Variants in ARHGAP32 observed in about 807,000 individuals in gnomAD.
ARHGAP32 encodes Rho GTPase activating protein 32.
ARHGAP32 carries 51 observed loss-of-function variants against 186.5 expected under a neutral mutation model. The ratio of observed to expected loss-of-function variants is 0.27; its 90% CI spans 0.22 to 0.35. ARHGAP32 has a LOEUF of 0.35. ARHGAP32 is among the 10% of genes least tolerant of loss of function. The pLI is 1.00. For missense variants in ARHGAP32, 2,186 were observed against 2,623.5 expected, an observed-to-expected ratio of 0.83 and a Z score of 3.64; for synonymous variants, 950 against 964.3, an observed-to-expected ratio of 0.99 and a Z score of 0.27.
intron 1 of ARHGAP32, among the ~76,000 whole-genome samples, chr11:129,225,589 C>T (rs1302451983): frequency 1.3e-5 from 2 of 152,034 alleles, no homozygotes; most frequent in Non-Finnish European, 2.9e-5. Context: ...AGAAAAGTCA[C>T]CTAACAAATA....
Position 129,123,329 on chromosome 11 carries a change from T to TAAAA in ARHGAP32, c.444+113_444+116dup. On this transcript the variant is annotated intron_variant, in intron 5 of 22. Coordinates refer to ENST00000682385, the MANE Select transcript of ARHGAP32 (RefSeq NM_001378024.1). The surrounding 1 kb of genome is among the most constrained non-coding windows in gnomAD (Gnocchi z 4.6). The stretch of plus-strand genomic sequence containing the variant: ...TTACCTCAACCAATAAGACATCAAT[T>TAAAA]AAAAAAAAAACTACTTCAAAGTGTC... 1.4e-6 allele frequency: 1 copy of TAAAA among 734,650 alleles called. No homozygotes were observed. Among genetic ancestry groups the TAAAA allele is most frequent in the Non-Finnish European group, 2.1e-6 (1 of 468,880 alleles). 45.5% of individuals were successfully genotyped at this position (734,650 alleles called of 1,614,324 possible).
chr11:129,036,063 G>C (rs1289727783), intron 11 of ARHGAP32, among the ~76,000 whole-genome samples: 2 of 152,038 alleles, frequency 1.3e-5, no homozygotes, highest in East Asian at 3.9e-4. Context: ...ATCCCTACTT[G>C]AAGTGTCATT....
intron 6 of ARHGAP32, among the ~76,000 whole-genome samples, chr11:129,074,777 C>A (rs1940983914): frequency 6.6e-6 from 1 of 152,136 alleles, no homozygotes; most frequent in Non-Finnish European, 1.5e-5. Flanking sequence ...CAGGCATGAG[C>A]CACCACACCC....
chr11:129,236,493 G>A (rs1469486552), intron 1 of ARHGAP32, among the ~76,000 whole-genome samples: 1 of 152,158 alleles, frequency 6.6e-6, no homozygotes, highest in Non-Finnish European at 1.5e-5. Context: ...TGTACAGATT[G>A]TGAAGACAGT....
chr11:128,972,590 CA>C lies in ARHGAP32; in HGVS notation c.3915del (p.Phe1305LeufsTer40). ...DVAEQPTTAD[F>X]AAATLQRTHR... The stretch of plus-strand genomic sequence containing the variant: ...TGCGTGCGCTGAAGTGTGGCAGCAG[CA>C]AAATCAGCAGTGGTGGGTTGTTCAG... On this transcript the variant is annotated frameshift_variant, in exon 22 of 23. Coordinates refer to ENST00000682385, the MANE Select transcript of ARHGAP32 (RefSeq NM_001378024.1). LOFTEE classifies it high-confidence loss of function. 6.2e-7 allele frequency: 1 copy of C among 1,604,046 alleles called. No individual in the cohort carries two copies. Among genetic ancestry groups the C allele is most frequent in the Non-Finnish European group, 8.5e-7 (1 of 1,173,880 alleles).
intron 1 of ARHGAP32, among the ~76,000 whole-genome samples, chr11:129,278,831 G>A (rs1250074780): frequency 6.6e-6 from 1 of 151,272 alleles, no homozygotes; most frequent in Non-Finnish European, 1.5e-5. Flanking sequence ...CGCGGCTGCC[G>A]CCCGCCTTGG....
At position 128,974,724 on chromosome 11, in the gene ARHGAP32, A is replaced by G. The variant is rs369467259; in HGVS notation, c.2473T>C (p.Cys825Arg). The G allele has an allele frequency of 2.5e-5, 41 of 1,614,100 alleles. No individual in the cohort carries two copies. The African/African-American group carries it at 4.8e-4, about 19-fold the overall frequency. The change falls in exon 21 of 23, where the codon TGT (cysteine) becomes CGT (arginine). Residue 825 changes from cysteine to arginine, a missense_variant. Cys to Arg is a radical substitution (Grantham distance 180). Coordinates refer to ENST00000682385, the MANE Select transcript of ARHGAP32 (RefSeq NM_001378024.1). ...QCSPPKAESECLESGASFLDS... is the reference protein window; with the variant it reads ...QCSPPKAESERLESGASFLDS... ...AAAAAGGAAGCACCACTCTCCAGAC[A>G]TTCTGATTCGGCCTTAGGAGGACTA...
intron 6 of ARHGAP32, among the ~76,000 whole-genome samples, chr11:129,074,441 T>G (rs552247455): frequency 3.3e-5 from 5 of 152,172 alleles, no homozygotes; most frequent in Non-Finnish European, 7.3e-5. Context: ...GAAAGTGAAC[T>G]AGGATTAGTT....
At chr11:129,191,782 G>A in intron 1 of ARHGAP32, among the ~76,000 whole-genome samples, 1 of 151,926 alleles carries the variant, frequency 6.6e-6, no homozygotes. Context: ...GATACAGGAA[G>A]GGGTAGTAGT....
At chr11:129,252,148 A>G (rs1945194651) in intron 1 of ARHGAP32, among the ~76,000 whole-genome samples, 1 of 152,188 alleles carries the variant, frequency 6.6e-6, no homozygotes, top group Non-Finnish European at 1.5e-5. Flanking sequence ...CATCTACAGT[A>G]TACTTGTATC....
intron 2 of ARHGAP32, among the ~76,000 whole-genome samples, chr11:129,137,305 A>G (rs1942958762): frequency 6.6e-6 from 1 of 151,850 alleles, no homozygotes; most frequent in Non-Finnish European, 1.5e-5. Context: ...GGGATGGAAG[A>G]TTTTTCTGAA....
intron 6 of ARHGAP32, 72 bp from the exon 7 acceptor site, chr11:129,066,940 A>G (rs1304843999): frequency 1.6e-6 from 2 of 1,248,414 alleles, no homozygotes; most frequent in Non-Finnish European, 1.1e-6. Context: ...GCCATATTCT[A>G]TAATGTGATT....
intron 1 of ARHGAP32, among the ~76,000 whole-genome samples, chr11:129,179,864 C>T (rs1227133052): frequency 6.6e-6 from 1 of 152,060 alleles, no homozygotes; most frequent in Non-Finnish European, 1.5e-5. Flanking sequence ...TTAGTGGGTG[C>T]AGTGCACCAG....
At position 129,071,006 on chromosome 11, in the gene ARHGAP32, A is replaced by G. The variant is rs1243208964; in HGVS notation, c.532-4138T>C. On this transcript the variant is annotated intron_variant, in intron 6 of 22. Transcript: ENST00000682385. ...TTACTATAACATATCATCAAACTAC[A>G]GTATAATTGTATGTTTAATCAAATT... is the stretch of plus-strand genomic sequence containing the variant. Among the ~76,000 whole-genome samples, 3 of 152,044 alleles carry G rather than the reference A, an allele frequency of 2.0e-5. 1 individual carries two copies. The highest frequency in any genetic ancestry group is 2.0e-4 in the Admixed American group (3 of 15,258).
chr11:129,217,261 C>T (rs948700399), intron 1 of ARHGAP32, among the ~76,000 whole-genome samples: 5 of 152,120 alleles, frequency 3.3e-5, no homozygotes, highest in African/African-American at 1.2e-4. Flanking sequence ...GTCCCCCTTT[C>T]TTGTTAGCTA....
In ARHGAP32 at chr11:128,973,007, G is replaced by A; in HGVS notation, c.3499C>T (p.His1167Tyr). The A allele has an allele frequency of 1.2e-6, 2 of 1,614,076 alleles. No homozygotes were observed. The highest frequency in any genetic ancestry group is 1.7e-6 in the Non-Finnish European group (2 of 1,179,996). Residue 1167 changes from histidine (H) to tyrosine (Y), a missense_variant, in exon 22 of 23, where the codon CAT (histidine) becomes TAT (tyrosine). By Grantham distance (83) the His-to-Tyr change is moderately conservative (BLOSUM62 2). Coordinates refer to ENST00000682385, the MANE Select transcript of ARHGAP32 (RefSeq NM_001378024.1). ...GGGTCCCCAGATAAATATGCTTGAT[G>A]TGGCTGATTCCCTGTTAAGTCTACT... ...HQVDLTGNQP[H>Y]QAYLSGDPEK...
intron 11 of ARHGAP32, among the ~76,000 whole-genome samples, chr11:129,002,840 G>A (rs1377784046): frequency 1.6e-5 from 2 of 122,862 alleles, no homozygotes; most frequent in South Asian, 2.5e-4. Flanking sequence ...ACGGAGTCTC[G>A]CTCTGTCACC....
chr11:128,980,778 G>A (rs1278714833), intron 17 of ARHGAP32, 30 bp from the exon 18 acceptor site: 1 of 1,509,520 alleles, frequency 6.6e-7, no homozygotes, highest in African/African-American at 1.4e-5. Flanking sequence ...CTGATGAAGA[G>A]AGTCAACTAC....
intron 1 of ARHGAP32, among the ~76,000 whole-genome samples, chr11:129,179,808 G>A (rs967696017): frequency 8.6e-5 from 13 of 151,786 alleles, no homozygotes; most frequent in Non-Finnish European, 1.5e-5. Flanking sequence ...GTGGGGGGAC[G>A]GGGGAGGGAT....
Sources: gnomAD v4.1 joint callset for allele counts (sites outside exome capture counted in the v4.1 genomes callset) on GRCh38, gnomAD v4.1.1 for gene constraint, Gnocchi (gnomAD v3.1) non-coding constraint, MANE v1.5 for transcripts, NCBI Gene and HGNC (gene_info 2026-07-23, HGNC 2026-07-21) for gene names.